Variants in HHAT observed in about 807,000 individuals in gnomAD.
HHAT encodes the protein hedgehog acyltransferase.
A neutral mutation model predicts 70.8 loss-of-function variants in HHAT; 47 were observed. The ratio of observed to expected loss-of-function variants is 0.66; its 90% CI spans 0.53 to 0.85. HHAT has a LOEUF of 0.85. Ranked by LOEUF, HHAT falls within the 40% of genes least tolerant of loss-of-function variation. HHAT has a pLI of 0.00. For synonymous variants in HHAT, 228 were observed against 247.6 expected (o/e 0.92, Z 0.74); for missense variants, 609 against 604.8 (o/e 1.01, Z -0.07).
intron 9 of HHAT, among the ~76,000 whole-genome samples, chr1:210,530,561 G>A (rs1383279690): frequency 6.6e-6 from 1 of 152,192 alleles, no homozygotes; most frequent in African/African-American, 2.4e-5. Context: ...GGAATGAGGA[G>A]TACTGAATAA....
intron 11 of HHAT, among the ~76,000 whole-genome samples, chr1:210,667,322 C>T (rs566742703): frequency 1.3e-5 from 2 of 152,136 alleles, no homozygotes; most frequent in African/African-American, 4.8e-5. Context: ...GCAGAGGTTG[C>T]GGTGAGCCAA....
intron 9 of HHAT, among the ~76,000 whole-genome samples, chr1:210,540,589 T>G (rs1046242772): frequency 1.3e-5 from 2 of 151,710 alleles, no homozygotes; most frequent in African/African-American, 2.4e-5. Context: ...TATATATATA[T>G]AGAAAACACA....
chr1:210,416,349 G>A (rs1441705718), intron 6 of HHAT, among the ~76,000 whole-genome samples: 1 of 152,160 alleles, frequency 6.6e-6, no homozygotes, highest in Non-Finnish European at 1.5e-5. Flanking sequence ...CGGCTAATGT[G>A]TGCAGATGCA....
chr1:210,599,983 C>A (rs1179334633), intron 10 of HHAT, among the ~76,000 whole-genome samples: 7 of 152,146 alleles, frequency 4.6e-5, no homozygotes, highest in Non-Finnish European at 1.0e-4. Context: ...AACACAGGTA[C>A]TTCCATCTCC....
Position 210,444,590 on chromosome 1 carries a change from C to G in HHAT, c.857-19915C>G, listed in dbSNP as rs539230914. ...TTAGTCTTGGGAGAGTGTATGTGTC[C>G]AGGAATTTATCCATTTCTTCTAGAT... is the stretch of plus-strand genomic sequence containing the variant. On this transcript the variant is annotated intron_variant, in intron 7 of 11. Transcript: ENST00000261458. 2.1e-4 allele frequency among the ~76,000 whole-genome samples: 32 copies of G among 151,430 alleles called. No individual in the cohort carries two copies. The East Asian group carries it at 3.7e-3, about 18-fold the overall frequency.
chr1:210,496,446 C>T (rs2094645878), intron 8 of HHAT, among the ~76,000 whole-genome samples: 1 of 152,186 alleles, frequency 6.6e-6, no homozygotes, highest in Admixed American at 6.5e-5. Context: ...TGATTCTCTT[C>T]TCTTCTGTTA....
At chr1:210,649,010 C>G (rs1440273681) in intron 11 of HHAT, among the ~76,000 whole-genome samples, 1 of 152,156 alleles carries the variant, frequency 6.6e-6, no homozygotes, top group Non-Finnish European at 1.5e-5. Context: ...TCTAGTACTG[C>G]TGAATTTTGT....
chr1:210,606,379 G>A lies in HHAT; in HGVS notation c.1246-17147G>A, dbSNP rs531879449. Among the ~76,000 whole-genome samples, 9 of 152,150 alleles carry A rather than the reference G, an allele frequency of 5.9e-5. No homozygotes were observed. In the East Asian group the frequency reaches 1.7e-3, roughly 29 times the overall value. On this transcript the variant is annotated intron_variant, in intron 10 of 11. Transcript: ENST00000261458. ...GTTTCCTCCACTTAAGTGAAGAATTGCCTTGCCATTTTTTTCTTTCATTAG... is the reference window on the plus strand; with the variant it reads ...GTTTCCTCCACTTAAGTGAAGAATTACCTTGCCATTTTTTTCTTTCATTAG...
intron 6 of HHAT, among the ~76,000 whole-genome samples, chr1:210,408,430 G>A (rs985518832): frequency 1.3e-5 from 2 of 152,140 alleles, no homozygotes; most frequent in African/African-American, 2.4e-5. Context: ...TGATCCGCCC[G>A]CCTCGGCCTC....
At chr1:210,530,107 G>A (rs1206358476) in intron 9 of HHAT, among the ~76,000 whole-genome samples, 1 of 152,098 alleles carries the variant, frequency 6.6e-6, no homozygotes, top group East Asian at 1.9e-4. Flanking sequence ...ATGATGCAGG[G>A]TATACAAACT....
chr1:210,387,376 C>A, intron 3 of HHAT, 92 bp from the exon 4 acceptor site: 1 of 1,041,938 alleles, frequency 9.6e-7, no homozygotes, highest in South Asian at 1.3e-5. Context: ...TGGACTCACA[C>A]TGGCCTTCTT....
intron 8 of HHAT, among the ~76,000 whole-genome samples, chr1:210,500,994 G>A (rs1024093986): frequency 1.2e-4 from 18 of 152,164 alleles, no homozygotes; most frequent in Non-Finnish European, 1.8e-4. Flanking sequence ...CTTCCTGCGC[G>A]CCTCTCCTGC....
intron 9 of HHAT, among the ~76,000 whole-genome samples, chr1:210,581,273 T>G (rs957069826): frequency 6.6e-6 from 1 of 152,258 alleles, no homozygotes; most frequent in Admixed American, 6.5e-5. Context: ...TAAGTAGATA[T>G]GTAGCTTCCT....
Position 210,404,607 on chromosome 1 carries a change from GCT to G in HHAT, c.613_614del (p.Leu205GlyfsTer30). The G allele has an allele frequency of 1.2e-6, 2 of 1,614,156 alleles. No homozygotes were observed. Among genetic ancestry groups the G allele is most frequent in the Non-Finnish European group, 1.7e-6 (2 of 1,180,032 alleles). ...CGACCTCCTACTCCTTTCCCTGGAT[GCT>G]GGCCTATGTCTTTTATTATCCAGTC... ...ASTSYSFPWM[L>X]AYVFYYPVLH... On this transcript the variant is annotated frameshift_variant, in exon 6 of 12. Coordinates refer to ENST00000261458, the MANE Select transcript of HHAT (RefSeq NM_018194.6). LOFTEE classifies it high-confidence loss of function.
At chr1:210,607,249 G>T (rs765275711) in intron 10 of HHAT, among the ~76,000 whole-genome samples, 1 of 151,688 alleles carries the variant, frequency 6.6e-6, no homozygotes, top group East Asian at 1.9e-4. Context: ...TCTTTAATCT[G>T]CTCTATCTTA....
chr1:210,450,758 A>G (rs928998631), intron 7 of HHAT, among the ~76,000 whole-genome samples: 4 of 152,100 alleles, frequency 2.6e-5, no homozygotes, highest in Non-Finnish European at 4.4e-5. Flanking sequence ...CTGAGGATTT[A>G]TCTTTTGAGG....
At chr1:210,576,114 C>A in intron 9 of HHAT, among the ~76,000 whole-genome samples, 1 of 152,028 alleles carries the variant, frequency 6.6e-6, no homozygotes, top group Non-Finnish European at 1.5e-5. Context: ...ATAGCTTTGA[C>A]CCCTTAGCAC....
Position 210,674,309 on chromosome 1 carries a change from C to T in HHAT, c.1412C>T (p.Ser471Phe), listed in dbSNP as rs1680785221. 1.2e-6 allele frequency: 2 copies of T among 1,614,068 alleles called. No homozygotes were observed. The highest frequency in any genetic ancestry group is 2.7e-5 in the African/African-American group (2 of 74,942). Residue 471 changes from serine (S) to phenylalanine (F), a missense_variant, in exon 12 of 12, where the codon TCT (serine) becomes TTT (phenylalanine). Ser to Phe is a radical substitution (Grantham distance 155). Transcript: ENST00000261458. ...GCAGGCTGGCCTTGGGTGACCCTCT[C>T]TGTCCTGGGATTCCTGTACTGCTAC... is the stretch of plus-strand genomic sequence containing the variant. ...FIQGWPWVTL[S>F]VLGFLYCYSH...
At chr1:210,648,624 AT>A (rs1388468374) in intron 11 of HHAT, among the ~76,000 whole-genome samples, 1 of 150,588 alleles carries the variant, frequency 6.6e-6, no homozygotes, top group East Asian at 2.0e-4. Flanking sequence ...AAGACCCTAA[AT>A]TTATATACAC....
Sources: gnomAD v4.1 joint callset for allele counts (sites outside exome capture counted in the v4.1 genomes callset) on GRCh38, gnomAD v4.1.1 for gene constraint, MANE v1.5 for transcripts, NCBI Gene and HGNC (gene_info 2026-07-23, HGNC 2026-07-21) for gene names.